The following MYO16 variants were observed in gnomAD, a reference collection of about 807,000 sequenced individuals.
MYO16 encodes unconventional myosin-XVI.
Under a neutral mutation model 205.3 loss-of-function variants are expected in MYO16, and 94 were observed. That is an observed-to-expected ratio of 0.46 (90% CI 0.39 to 0.54). MYO16 has a LOEUF of 0.54. MYO16 is among the 20% of genes least tolerant of loss of function. The pLI, the probability that MYO16 is intolerant of heterozygous loss-of-function variation, is 0.00. For missense variants in MYO16, 2,315 were observed against 2,387.5 expected, an observed-to-expected ratio of 0.97 and a Z score of 0.63; for synonymous variants, 988 against 954.0, an observed-to-expected ratio of 1.04 and a Z score of -0.66.
At chr13:108,965,335 T>C (rs1883753607) in intron 20 of MYO16, among the ~76,000 whole-genome samples, 1 of 152,236 alleles carries the variant, frequency 6.6e-6, no homozygotes, top group Admixed American at 6.5e-5. Context: ...ATCTTATTTC[T>C]TCACTTATTT....
chr13:108,797,997 C>T (rs1364782341), intron 6 of MYO16, among the ~76,000 whole-genome samples: 1 of 152,056 alleles, frequency 6.6e-6, no homozygotes, highest in African/African-American at 2.4e-5. Flanking sequence ...AATAATTGTT[C>T]TAAAATAACC....
In MYO16 at chr13:109,207,727, A is replaced by G. The variant is rs1350567223; in HGVS notation, c.*891A>G. 2 of 152,270 alleles carry G rather than the reference A, an allele frequency of 1.3e-5. No individual in the cohort carries two copies. Among genetic ancestry groups the G allele is most frequent in the Non-Finnish European group, 2.9e-5 (2 of 68,052 alleles). 9.4% of individuals were successfully genotyped at this position (152,270 alleles called of 1,614,324 possible). ...AATGATCATATTCATTCAAAGGCCTACACAGTACAAATGAGCACGCTGCCA... is the reference window on the plus strand; with the variant it reads ...AATGATCATATTCATTCAAAGGCCTGCACAGTACAAATGAGCACGCTGCCA... On this transcript the variant is annotated 3_prime_UTR_variant, in exon 35 of 35. Transcript: ENST00000457511.
upstream of MYO16, among the ~76,000 whole-genome samples, chr13:108,625,530 C>A (rs151011312): frequency 6.6e-6 from 1 of 152,252 alleles, no homozygotes; most frequent in East Asian, 1.9e-4. Context: ...CAGGAGAGGT[C>A]TTGACTCCAT....
chr13:109,112,733 C>T (rs576098127), intron 28 of MYO16, among the ~76,000 whole-genome samples: 22 of 151,804 alleles, frequency 1.4e-4, no homozygotes, highest in Admixed American at 6.6e-4. Context: ...CCAGCCTGGG[C>T]GAAACTCTGC....
chr13:108,714,352 C>G (rs781000148), intron 3 of MYO16, among the ~76,000 whole-genome samples: 7 of 152,204 alleles, frequency 4.6e-5, no homozygotes, highest in Admixed American at 4.6e-4. Flanking sequence ...ACCGTGCCCG[C>G]CCATAAGCCT....
At chr13:108,748,123 T>C (rs889089867) in intron 4 of MYO16, among the ~76,000 whole-genome samples, 1 of 152,002 alleles carries the variant, frequency 6.6e-6, no homozygotes, top group Non-Finnish European at 1.5e-5. Context: ...AAACAGACCT[T>C]AAAAATTTTA....
intron 32 of MYO16, among the ~76,000 whole-genome samples, chr13:109,158,101 T>G (rs1452019055): frequency 2.0e-5 from 3 of 152,156 alleles, no homozygotes; most frequent in African/African-American, 7.2e-5. Flanking sequence ...TCTTCCTTTC[T>G]TCTTCATTCA....
chr13:108,667,147 C>A (rs1881768517), intron 2 of MYO16, among the ~76,000 whole-genome samples: 1 of 152,148 alleles, frequency 6.6e-6, no homozygotes, highest in Non-Finnish European at 1.5e-5. Flanking sequence ...AATTCAATAA[C>A]ATATGTGCTT....
chr13:108,843,636 C>A (rs1877362710), intron 9 of MYO16, among the ~76,000 whole-genome samples: 1 of 152,052 alleles, frequency 6.6e-6, no homozygotes. Flanking sequence ...TATAAGGTAA[C>A]AATTTAGGAG....
At chr13:109,169,034 C>A (rs1009714847) in intron 33 of MYO16, among the ~76,000 whole-genome samples, 5 of 152,130 alleles carry the variant, frequency 3.3e-5, no homozygotes, top group African/African-American at 1.2e-4. Flanking sequence ...ACCTTGCCAC[C>A]CTTCTGAGTC....
chr13:109,156,174 T>C (rs1225331062), intron 32 of MYO16, among the ~76,000 whole-genome samples: 1 of 152,204 alleles, frequency 6.6e-6, no homozygotes, highest in Non-Finnish European at 1.5e-5. Flanking sequence ...TAACACAAGC[T>C]AGACGCCAAT....
intron 4 of MYO16, among the ~76,000 whole-genome samples, chr13:108,775,971 G>A (rs1347387642): frequency 6.6e-6 from 1 of 152,154 alleles, no homozygotes; most frequent in Non-Finnish European, 1.5e-5. Flanking sequence ...TGAAATCCCT[G>A]AGTCTCAAAG....
the MYO16 span, among the ~76,000 whole-genome samples, chr13:108,541,544 T>C: frequency 3.3e-5 from 5 of 152,020 alleles, no homozygotes; most frequent in Admixed American, 2.6e-4. Flanking sequence ...GCTTTAAAGA[T>C]TATGGGTCCA....
chr13:108,642,009 C>T (rs1024487212), intron 1 of MYO16, among the ~76,000 whole-genome samples: 25 of 152,152 alleles, frequency 1.6e-4, no homozygotes, highest in African/African-American at 5.8e-4. Flanking sequence ...ATCCTAGGGT[C>T]TCTTAGCTAC....
At chr13:108,762,477 C>T (rs1885641979) in intron 4 of MYO16, among the ~76,000 whole-genome samples, 1 of 152,126 alleles carries the variant, frequency 6.6e-6, no homozygotes, top group African/African-American at 2.4e-5. Flanking sequence ...TGTAAAGTTC[C>T]CTTATCTCTG....
At chr13:108,921,586 G>C (rs1014692377) in intron 16 of MYO16, among the ~76,000 whole-genome samples, 1 of 152,170 alleles carries the variant, frequency 6.6e-6, no homozygotes, top group Non-Finnish European at 1.5e-5. Context: ...ATCAATAGCT[G>C]TTAGCAAAAT....
intron 19 of MYO16, 56 bp downstream of exon 19, chr13:108,962,551 A>G: frequency 1.6e-6 from 2 of 1,273,386 alleles, no homozygotes; most frequent in South Asian, 1.3e-5. Flanking sequence ...TATGAAAATT[A>G]AATACAGTTT....
At position 108,822,982 on chromosome 13, in the gene MYO16, G is replaced by A. The variant is rs16973279; in HGVS notation, c.944-143G>A. 6.8e-3 allele frequency: 4,845 copies of A among 715,598 alleles called. 168 individuals carry two copies. The African/African-American group carries it at 0.077, about 11-fold the overall frequency. 44.3% of individuals were successfully genotyped at this position (715,598 alleles called of 1,614,324 possible). Reference sequence around the variant, plus strand: ...ACAGTACTTCAATTTTATCCCAGCCGTAAACTTTTAAGGTTTTTTGTTTTG... The same window carrying A: ...ACAGTACTTCAATTTTATCCCAGCCATAAACTTTTAAGGTTTTTTGTTTTG... On this transcript the variant is annotated intron_variant, in intron 8 of 34. Transcript: ENST00000457511.
At chr13:109,096,820 A>G (rs1349849886) in intron 27 of MYO16, among the ~76,000 whole-genome samples, 2 of 152,214 alleles carry the variant, frequency 1.3e-5, no homozygotes, top group Non-Finnish European at 2.9e-5. Context: ...GTCCGGAGAA[A>G]CGCAAACAGG....
Sources: allele counts gnomAD v4.1 joint callset (sites outside exome capture counted in the v4.1 genomes callset), GRCh38; gene constraint gnomAD v4.1.1; transcripts MANE v1.5; gene names NCBI Gene and HGNC (gene_info 2026-07-23, HGNC 2026-07-21).